FLI1: variants seen among roughly 807,000 people sequenced by gnomAD.
FLI1 encodes Fli-1 proto-oncogene, ETS transcription factor, also known as Friend leukemia integration 1 transcription factor.
FLI1 carries 13 observed loss-of-function variants against 53.1 expected under a neutral mutation model. That is an observed-to-expected ratio of 0.24 (90% CI 0.16 to 0.39). The LOEUF (loss-of-function observed/expected upper bound fraction) is 0.39. Ranked by LOEUF, FLI1 falls within the 10% of genes least tolerant of loss-of-function variation. The pLI is 1.00. For synonymous variants in FLI1, 244 were observed against 236.7 expected (o/e 1.03, Z -0.28); for missense variants, 424 against 600.5 (o/e 0.71, Z 3.07).
intron 1 of FLI1, among the ~76,000 whole-genome samples, chr11:128,726,677 CAG>C (rs1320387814): frequency 6.6e-6 from 1 of 152,028 alleles, no homozygotes; most frequent in Non-Finnish European, 1.5e-5. Context: ...GGCCCACAGA[CAG>C]AGACAGAGGA....
intron 1 of FLI1, among the ~76,000 whole-genome samples, chr11:128,714,193 C>T (rs1321615045): frequency 7.5e-6 from 1 of 134,176 alleles, no homozygotes; most frequent in Non-Finnish European, 1.6e-5. Flanking sequence ...TGATATAACT[C>T]TTCACTGGCC....
intron 1 of FLI1, among the ~76,000 whole-genome samples, chr11:128,721,842 G>A (rs956112656): frequency 1.3e-5 from 2 of 152,224 alleles, no homozygotes; most frequent in African/African-American, 4.8e-5. Flanking sequence ...GCATTTGGGT[G>A]ACTTTCCAAA....
intron 1 of FLI1, among the ~76,000 whole-genome samples, chr11:128,709,202 T>G (rs1490745721): frequency 2.0e-5 from 3 of 152,258 alleles, no homozygotes; most frequent in African/African-American, 7.2e-5. Context: ...ACGTTAATTT[T>G]TCTACCAACC....
rs941975935 is a variant in FLI1 at position 128,812,037 on chromosome 11, A to G, written c.*1049A>G. On this transcript the variant is annotated 3_prime_UTR_variant, in exon 9 of 9. Transcript: ENST00000527786. Reference sequence around the variant, plus strand: ...CTGTATGTTTTTATAGCTGGTTTTTAAAAAGCATAATATGCCTATAGCTGA... The same window carrying G: ...CTGTATGTTTTTATAGCTGGTTTTTGAAAAGCATAATATGCCTATAGCTGA... 4.8e-6 allele frequency: 1 copy of G among 206,496 alleles called. No individual in the cohort carries two copies. Among genetic ancestry groups the G allele is most frequent in the East Asian group, 7.4e-5 (1 of 13,536 alleles). 12.8% of individuals were successfully genotyped at this position (206,496 alleles called of 1,614,324 possible).
intron 3 of FLI1, among the ~76,000 whole-genome samples, chr11:128,770,937 A>T (rs1941528503): frequency 6.6e-6 from 1 of 152,232 alleles, no homozygotes; most frequent in African/African-American, 2.4e-5. Flanking sequence ...GCTTCAGAGC[A>T]GTGTAACTCA....
chr11:128,774,155 C>T (rs575469711), intron 4 of FLI1, among the ~76,000 whole-genome samples: 68 of 152,216 alleles, frequency 4.5e-4, no homozygotes, highest in African/African-American at 1.5e-3. Context: ...CGACAGTGTT[C>T]CTCATGGGGC....
At chr11:128,737,689 G>T (rs1034992055) in intron 1 of FLI1, among the ~76,000 whole-genome samples, 2 of 152,182 alleles carry the variant, frequency 1.3e-5, no homozygotes, top group African/African-American at 4.8e-5. Context: ...GCCATCCAGG[G>T]CTTATTGAGG....
intron 1 of FLI1, among the ~76,000 whole-genome samples, chr11:128,752,801 C>T (rs1940707245): frequency 6.6e-6 from 1 of 152,122 alleles, no homozygotes; most frequent in African/African-American, 2.4e-5. Flanking sequence ...GTGATTATTA[C>T]CACTTTTATC....
At chr11:128,710,487 C>A (rs1198486151) in intron 1 of FLI1, among the ~76,000 whole-genome samples, 2 of 152,122 alleles carry the variant, frequency 1.3e-5, no homozygotes, top group African/African-American at 4.8e-5. Flanking sequence ...ATCAGCCCTA[C>A]TGCTTTTTCT....
intron 1 of FLI1, among the ~76,000 whole-genome samples, chr11:128,721,177 C>A (rs572998389): frequency 6.6e-4 from 101 of 152,294 alleles, no homozygotes; most frequent in Non-Finnish European, 1.2e-3. Flanking sequence ...GTAGGATGCA[C>A]CACAGACAGC....
At chr11:128,780,409 A>C (rs1941874768) in intron 4 of FLI1, among the ~76,000 whole-genome samples, 1 of 152,230 alleles carries the variant, frequency 6.6e-6, no homozygotes, top group Admixed American at 6.5e-5. Context: ...CAGCCTGACC[A>C]ACATGGAGAA....
Position 128,811,387 on chromosome 11 carries a change from C to T in FLI1, c.*399C>T, listed in dbSNP as rs997889197. 1.5e-5 allele frequency: 4 copies of T among 259,398 alleles called. No homozygotes were observed. Among genetic ancestry groups the T allele is most frequent in the East Asian group, 6.1e-5 (1 of 16,518 alleles). The allele number at this position is 259,398 out of a possible 1,614,324, so 16.1% of individuals were successfully genotyped here. On this transcript the variant is annotated 3_prime_UTR_variant, in exon 9 of 9. Transcript: ENST00000527786. The stretch of plus-strand genomic sequence containing the variant: ...ATGACACAGAATCATGGACTTAACC[C>T]GTCATGTTCTGGTTTGAGATTTAGT...
chr11:128,788,944 A>T (rs538696713), intron 5 of FLI1, among the ~76,000 whole-genome samples: 1 of 152,220 alleles, frequency 6.6e-6, no homozygotes, highest in East Asian at 1.9e-4. Flanking sequence ...CAGCTAAGTA[A>T]GTAAGGAACT....
chr11:128,764,252 G>A (rs1380087892), intron 2 of FLI1, among the ~76,000 whole-genome samples: 1 of 152,170 alleles, frequency 6.6e-6, no homozygotes, highest in African/African-American at 2.4e-5. Flanking sequence ...TGTTTTAAAT[G>A]GCCTAACACA....
intron 1 of FLI1, among the ~76,000 whole-genome samples, chr11:128,739,072 C>T (rs1273855278): frequency 6.6e-6 from 1 of 152,176 alleles, no homozygotes; most frequent in Non-Finnish European, 1.5e-5. Flanking sequence ...AAGCACCAAA[C>T]TCGATGTTTA....
upstream of FLI1, among the ~76,000 whole-genome samples, chr11:128,689,500 C>G (rs1362484301): frequency 6.6e-6 from 1 of 152,000 alleles, no homozygotes; most frequent in South Asian, 2.1e-4. Context: ...TTCCGCCTGT[C>G]CCCCGGACGA....
chr11:128,784,220 T>TCTCCTCCTCCTCCTCCTCCTC (rs61050928), intron 5 of FLI1, among the ~76,000 whole-genome samples: 32 of 117,984 alleles, frequency 2.7e-4, no homozygotes, highest in African/African-American at 4.3e-4. Context: ...TTGCTAACCA[T>TCTCCTCCTCCTCCTCCTCCTC]CTCCTCCTCC....
chr11:128,754,235 ATGTG>A (rs57171401), intron 1 of FLI1, among the ~76,000 whole-genome samples: 13,354 of 145,618 alleles, frequency 0.092, 820 homozygotes, highest in East Asian at 0.34. Flanking sequence ...TAGAAGGGGG[ATGTG>A]TGTGTGTGTG....
intron 1 of FLI1, among the ~76,000 whole-genome samples, chr11:128,694,906 G>A (rs1937975921): frequency 6.6e-6 from 1 of 152,162 alleles, no homozygotes; most frequent in Non-Finnish European, 1.5e-5. Context: ...TCTAGGCGCT[G>A]GAGAGCCGCC....
Sources: gnomAD v4.1 joint callset for allele counts (sites outside exome capture counted in the v4.1 genomes callset) on GRCh38, gnomAD v4.1.1 for gene constraint, MANE v1.5 for transcripts, NCBI Gene and HGNC (gene_info 2026-07-23, HGNC 2026-07-21) for gene names.